SLAIN1: variants seen among roughly 807,000 people sequenced by gnomAD.
SLAIN1 encodes the protein SLAIN motif-containing protein 1.
SLAIN1 carries 17 observed loss-of-function variants against 55.4 expected under a neutral mutation model. The ratio of observed to expected loss-of-function variants is 0.31; its 90% CI spans 0.21 to 0.46. The LOEUF (loss-of-function observed/expected upper bound fraction) is 0.46, where lower values mean the gene tolerates loss of function less well. SLAIN1 is among the 20% of genes least tolerant of loss of function. The pLI, the probability that SLAIN1 is intolerant of heterozygous loss-of-function variation, is 1.00. For missense variants in SLAIN1, 682 were observed against 785.1 expected, an observed-to-expected ratio of 0.87 and a Z score of 1.57; for synonymous variants, 348 against 337.4, an observed-to-expected ratio of 1.03 and a Z score of -0.35.
At chr13:77,744,591 C>T in intron 3 of SLAIN1, 159 bp downstream of exon 3, 1 of 1,090,290 alleles carries the variant, frequency 9.2e-7, no homozygotes, top group Non-Finnish European at 1.3e-6. Context: ...ATGCTTCTCA[C>T]ACTATCATGA....
intron 2 of SLAIN1, among the ~76,000 whole-genome samples, chr13:77,734,889 A>C (rs1831266545): frequency 6.6e-6 from 1 of 151,942 alleles, no homozygotes. Context: ...GTGTAGTGGC[A>C]CATGTCTGTA....
chr13:77,719,427 G>T, intron 1 of SLAIN1, 105 bp from the exon 2 acceptor site: 1 of 719,214 alleles, frequency 1.4e-6, no homozygotes, highest in Non-Finnish European at 2.1e-6. Flanking sequence ...CATCAAATAT[G>T]AGTTCTGTTT....
intron 1 of SLAIN1, among the ~76,000 whole-genome samples, chr13:77,703,516 G>A (rs2091051339): frequency 6.6e-6 from 1 of 152,114 alleles, no homozygotes; most frequent in Non-Finnish European, 1.5e-5. Flanking sequence ...AGTGTATGAC[G>A]TGTGTTTGAA....
intron 5 of SLAIN1, among the ~76,000 whole-genome samples, chr13:77,759,485 A>C (rs552497409): frequency 6.6e-6 from 1 of 152,174 alleles, no homozygotes; most frequent in East Asian, 1.9e-4. Flanking sequence ...AGAAATGGTG[A>C]AAGTGGACAT....
intron 2 of SLAIN1, among the ~76,000 whole-genome samples, chr13:77,734,025 C>A (rs963777627): frequency 3.3e-5 from 5 of 152,142 alleles, no homozygotes; most frequent in African/African-American, 1.2e-4. Flanking sequence ...AAATTGCTGT[C>A]TTCACCTTGG....
chr13:77,717,436 G>A (rs2091218877), intron 1 of SLAIN1, among the ~76,000 whole-genome samples: 1 of 152,010 alleles, frequency 6.6e-6, no homozygotes, highest in African/African-American at 2.4e-5. Flanking sequence ...AAAGTCTTCT[G>A]GGCCCAGGTT....
chr13:77,726,576 T>A (rs2091309986), intron 2 of SLAIN1, among the ~76,000 whole-genome samples: 1 of 152,112 alleles, frequency 6.6e-6, no homozygotes, highest in South Asian at 2.1e-4. Context: ...TGCAGATGTA[T>A]GCCACCATAC....
At chr13:77,736,768 A>G (rs1594277761) in intron 2 of SLAIN1, among the ~76,000 whole-genome samples, 3 of 147,966 alleles carry the variant, frequency 2.0e-5, no homozygotes, top group African/African-American at 7.4e-5. Context: ...ATTAGCTCCC[A>G]TGTTGAAACT....
chr13:77,746,686 A>T lies in SLAIN1; in HGVS notation c.1089A>T (p.Arg363Ser). The T allele has an allele frequency of 6.2e-7, 1 of 1,613,800 alleles. No homozygotes were observed. Among genetic ancestry groups the T allele is most frequent in the South Asian group, 1.1e-5 (1 of 91,080 alleles). Residue 363 changes from arginine to serine, a missense_variant, in exon 4 of 7, where the codon AGA (arginine) becomes AGT (serine). Around this residue, in one of 3 missense-constraint regions of SLAIN1, gnomAD observed 244 missense variants for 295.2 expected, o/e 0.83. Transcript: ENST00000418532. ...CACCACCTCAGCCTCGTCTTCCAAG[A>T]TGTTCCCCTTTCCAAAGAGGAATTC... ...HLPPPQPRLP[R>S]CSPFQRGIPH...
At position 77,728,482 on chromosome 13, in the gene SLAIN1, T is replaced by C. The variant is rs528599155; in HGVS notation, c.766+8811T>C. ...GAGTAGGTGTACTTTTCACAAATAG[T>C]GGAGGCCTACACAATTATATCCTTG... is the stretch of plus-strand genomic sequence containing the variant. On this transcript the variant is annotated intron_variant, in intron 2 of 6. Transcript: ENST00000418532. 2.6e-5 allele frequency among the ~76,000 whole-genome samples: 4 copies of C among 152,314 alleles called. No homozygotes were observed. In the South Asian group the frequency reaches 8.3e-4, roughly 32 times the overall value.
chr13:77,713,155 G>A (rs1034128367), intron 1 of SLAIN1, among the ~76,000 whole-genome samples: 2 of 152,152 alleles, frequency 1.3e-5, no homozygotes, highest in East Asian at 1.9e-4. Flanking sequence ...CATGGGCAAA[G>A]ACTTCATGAG....
chr13:77,738,221 T>TACATATATAC (rs5741973), intron 2 of SLAIN1, among the ~76,000 whole-genome samples: 116,947 of 150,402 alleles, frequency 0.78, 46,151 homozygotes, highest in Non-Finnish European at 0.83. Context: ...CATATACACA[T>TACATATATAC]ACATATATAC....
At chr13:77,756,171 T>C (rs939879167) in intron 5 of SLAIN1, among the ~76,000 whole-genome samples, 4 of 152,180 alleles carry the variant, frequency 2.6e-5, no homozygotes, top group Admixed American at 6.5e-5. Flanking sequence ...TATGTGTTTT[T>C]TTTTAAATCA....
intron 1 of SLAIN1, chr13:77,699,062 G>T: frequency 3.3e-6 from 5 of 1,530,420 alleles, no homozygotes; most frequent in Non-Finnish European, 4.4e-6. Flanking sequence ...AGAGAGGTTC[G>T]TTCTTGCTGT....
chr13:77,753,363 G>T lies in SLAIN1; in HGVS notation c.1414+5G>T. The T allele has an allele frequency of 2.0e-6, 3 of 1,493,150 alleles. No homozygotes were observed. Among genetic ancestry groups the T allele is most frequent in the Non-Finnish European group, 2.7e-6 (3 of 1,111,884 alleles). 92.5% of individuals were successfully genotyped at this position (1,493,150 alleles called of 1,614,324 possible). On this transcript the variant is annotated splice_donor_5th_base_variant and intron_variant, in intron 5 of 6. Transcript: ENST00000418532. Reference sequence around the variant, plus strand: ...TTTCAAGAATACAATCTTGTAGTGAGTATAATTATTTGATATAATTATATA... The same window carrying T: ...TTTCAAGAATACAATCTTGTAGTGATTATAATTATTTGATATAATTATATA...
intron 1 of SLAIN1, among the ~76,000 whole-genome samples, chr13:77,718,939 G>A (rs868357924): frequency 6.6e-6 from 1 of 152,020 alleles, no homozygotes; most frequent in East Asian, 1.9e-4. Flanking sequence ...TGAAGTCTTC[G>A]TAAAACATAT....
At position 77,699,033 on chromosome 13, in the gene SLAIN1, G is replaced by T. The variant is rs1324542998; in HGVS notation, c.626+494G>T. 5 of 1,535,528 alleles carry T rather than the reference G, an allele frequency of 3.3e-6. No homozygotes were observed. The Admixed American group carries it at 9.8e-5, about 30-fold the overall frequency. ...CTCGGGTGGCATCGGAAGCCGCGCA[G>T]TGATGGATCTCTCTTTATAGAGAGG... On this transcript the variant is annotated intron_variant, in intron 1 of 6. Transcript: ENST00000418532.
rs142484302 is a variant in SLAIN1, at chr13:77,721,636, T to C, written c.766+1965T>C. On this transcript the variant is annotated intron_variant, in intron 2 of 6. Coordinates refer to ENST00000418532, the MANE Select transcript of SLAIN1 (RefSeq NM_001242868.2). The stretch of plus-strand genomic sequence containing the variant: ...TAGATAGTCAATATTTTAGATTTTG[T>C]GGGCTACATAATCTCTGTCATGACT... Among the ~76,000 whole-genome samples the C allele has an allele frequency of 1.1e-3, 173 of 152,140 alleles. 1 individual carries two copies. Among genetic ancestry groups the C allele is most frequent in the African/African-American group, 3.9e-3 (161 of 41,504 alleles).
intron 3 of SLAIN1, among the ~76,000 whole-genome samples, chr13:77,746,214 C>T (rs1333693729): frequency 6.6e-6 from 1 of 152,016 alleles, no homozygotes; most frequent in African/African-American, 2.4e-5. Flanking sequence ...TAAAATATCT[C>T]TTGATTTGAA....
Sources: allele counts gnomAD v4.1 joint callset (sites outside exome capture counted in the v4.1 genomes callset), GRCh38; gene constraint gnomAD v4.1.1; regional missense constraint gnomAD v4.1.1; transcripts MANE v1.5; gene names NCBI Gene and HGNC (gene_info 2026-07-23, HGNC 2026-07-21).